The following PDIA6 variants were observed in gnomAD, a reference collection of about 807,000 sequenced individuals.
PDIA6 encodes the protein protein disulfide isomerase family A member 6, also known as protein disulfide-isomerase A6.
Under a neutral mutation model 58.4 loss-of-function variants are expected in PDIA6, and 29 were observed. That is an observed-to-expected ratio of 0.50 (90% CI 0.37 to 0.68). The LOEUF (loss-of-function observed/expected upper bound fraction) is 0.68, where lower values mean the gene tolerates loss of function less well. Among genes scored for constraint, PDIA6 ranks in the 30% least tolerant of loss-of-function variants. PDIA6 has a pLI of 0.00. For synonymous variants in PDIA6, 192 were observed against 202.6 expected (o/e 0.95, Z 0.44); for missense variants, 480 against 551.0 (o/e 0.87, Z 1.29).
At chr2:10,829,568 T>G (rs1453681244) in intron 1 of PDIA6, among the ~76,000 whole-genome samples, 1 of 152,224 alleles carries the variant, frequency 6.6e-6, no homozygotes, top group Non-Finnish European at 1.5e-5. Context: ...GAAACAATTT[T>G]TCTGCCTTTC....
chr2:10,784,304 T>C lies in PDIA6; in HGVS notation c.1277A>G (p.Asp426Gly), dbSNP rs1665587297. ...DGELPVEDDI[D>G]LSDVELDDLG... ...GTCATCAAGCTCCACATCACTGAGG[T>C]CAATGTCATCCTCCACGGGAAGCTG... is the stretch of plus-strand genomic sequence containing the variant. The change falls in exon 13 of 13, where the codon GAC (aspartate) becomes GGC (glycine). Residue 426 changes from aspartate (D) to glycine (G), a missense_variant. Transcript: ENST00000272227. 1 of 1,612,968 alleles carries C rather than the reference T, an allele frequency of 6.2e-7. No homozygotes were observed. The highest frequency in any genetic ancestry group is 8.5e-7 in the Non-Finnish European group (1 of 1,179,722).
chr2:10,826,721 TAAAC>T (rs1667566329), intron 1 of PDIA6, among the ~76,000 whole-genome samples: 1 of 152,170 alleles, frequency 6.6e-6, no homozygotes, highest in Non-Finnish European at 1.5e-5. Flanking sequence ...ATAAAACTGT[TAAAC>T]AGACAGAACC....
chr2:10,806,038 A>C (rs527345544), intron 1 of PDIA6, among the ~76,000 whole-genome samples: 12 of 135,302 alleles, frequency 8.9e-5, no homozygotes, highest in South Asian at 2.4e-4. Flanking sequence ...AAAAAAAAAA[A>C]AAAAAACGAA....
At chr2:10,827,857 T>G (rs1051145333) in intron 1 of PDIA6, among the ~76,000 whole-genome samples, 1 of 151,944 alleles carries the variant, frequency 6.6e-6, no homozygotes, top group Non-Finnish European at 1.5e-5. Context: ...CTTGCAATTC[T>G]TTAGAACTAG....
intron 1 of PDIA6, among the ~76,000 whole-genome samples, chr2:10,807,674 A>C (rs1666819226): frequency 6.6e-6 from 1 of 152,218 alleles, no homozygotes; most frequent in African/African-American, 2.4e-5. Context: ...CTTGCTTCAC[A>C]ATTAGAATTT....
rs772610723 is a variant in PDIA6 at position 10,789,894 on chromosome 2, T to TA, written c.700-6dup. 15 of 1,606,320 alleles carry TA rather than the reference T, an allele frequency of 9.3e-6. No homozygotes were observed. The South Asian group carries it at 1.3e-4, about 14-fold the overall frequency. On this transcript the variant is annotated splice_polypyrimidine_tract_variant and splice_region_variant and intron_variant, in intron 7 of 12. Coordinates refer to ENST00000272227, the MANE Select transcript of PDIA6 (RefSeq NM_005742.4). ...GATTGTAGGAAATCCTCTAATCTAT[T>TA]AAAAAAAGGTCAGAGGATAAAATCC...
upstream of PDIA6, among the ~76,000 whole-genome samples, chr2:10,834,697 C>A (rs1384324786): frequency 2.0e-5 from 2 of 98,514 alleles, 1 homozygote; most frequent in African/African-American, 7.0e-5. Context: ...GAACTAATTT[C>A]TCTCCCTCCC....
At chr2:10,785,933 C>T (rs964297840) in intron 11 of PDIA6, among the ~76,000 whole-genome samples, 4 of 151,412 alleles carry the variant, frequency 2.6e-5, no homozygotes, top group Admixed American at 6.6e-5. Context: ...AGCCTGGTCT[C>T]GAACTCCTGG....
intron 1 of PDIA6, among the ~76,000 whole-genome samples, chr2:10,826,812 G>A (rs143160159): frequency 2.9e-4 from 44 of 152,118 alleles, no homozygotes; most frequent in African/African-American, 7.0e-4. Flanking sequence ...TGCCTCTGAC[G>A]TCACCTCAAA....
chr2:10,800,475 C>T (rs72779425), intron 2 of PDIA6, among the ~76,000 whole-genome samples: 1 of 151,918 alleles, frequency 6.6e-6, no homozygotes, highest in African/African-American at 2.4e-5. Context: ...TTGTAAAGTA[C>T]TACATTAACA....
In PDIA6 at chr2:10,818,517, TATTTATTTATTTATTTA is replaced by T. The variant is rs1235892020; in HGVS notation, c.34+740_34+756del. On this transcript the variant is annotated intron_variant, in intron 2 of 13. Transcript: ENST00000381611. ...TTATTTATTTATTTATTTATTTATT[TATTTATTTATTTATTTA>T]TTTTGAGATGGAGTTTTGCTCTTGT... is the stretch of plus-strand genomic sequence containing the variant. Among the ~76,000 whole-genome samples the T allele has an allele frequency of 5.2e-3, 685 of 131,672 alleles. 7 individuals carry two copies. Among genetic ancestry groups the T allele is most frequent in the African/African-American group, 0.019 (657 of 35,408 alleles). 86.4% of individuals were successfully genotyped at this position (131,672 alleles called of 152,430 possible). A position where few individuals can be genotyped will look rare whatever the true frequency, so the allele number is the denominator to read the frequency against.
At chr2:10,809,645 C>CAAA (rs56308831) in intron 1 of PDIA6, among the ~76,000 whole-genome samples, 12,267 of 64,426 alleles carry the variant, frequency 0.19, 2,900 homozygotes, top group Admixed American at 0.26. Context: ...GACCCGGTCT[C>CAAA]AAAAAAAAAA....
intron 1 of PDIA6, among the ~76,000 whole-genome samples, chr2:10,811,503 CAGAAAGA>C (rs1666996656): frequency 2.3e-5 from 1 of 43,044 alleles, no homozygotes; most frequent in Non-Finnish European, 8.3e-5. Flanking sequence ...TCTCAAAAAA[CAGAAAGA>C]CATGTACTAA....
chr2:10,786,417 G>A (rs1021841552), intron 11 of PDIA6, among the ~76,000 whole-genome samples: 5 of 152,160 alleles, frequency 3.3e-5, no homozygotes, highest in African/African-American at 4.8e-5. Context: ...GGCAGAGGCT[G>A]AAGCAGCTGA....
intron 1 of PDIA6, among the ~76,000 whole-genome samples, chr2:10,804,506 G>A (rs1666651163): frequency 9.2e-6 from 1 of 108,506 alleles, no homozygotes; most frequent in African/African-American, 2.7e-5. Flanking sequence ...ATTTCTGAGG[G>A]CTCTGTTCTG....
upstream of PDIA6, among the ~76,000 whole-genome samples, chr2:10,817,143 A>C (rs1412452135): frequency 6.6e-6 from 1 of 152,070 alleles, no homozygotes; most frequent in Non-Finnish European, 1.5e-5. Context: ...CCACTCAGGA[A>C]GCTTGTATGG....
intron 1 of PDIA6, among the ~76,000 whole-genome samples, chr2:10,822,719 G>C (rs904073764): frequency 6.6e-6 from 1 of 152,226 alleles, no homozygotes; most frequent in African/African-American, 2.4e-5. Context: ...CGGTGCAGTA[G>C]CATTTGGGTA....
intron 2 of PDIA6, among the ~76,000 whole-genome samples, chr2:10,800,757 C>G: frequency 6.6e-6 from 1 of 151,996 alleles, no homozygotes; most frequent in East Asian, 1.9e-4. Context: ...CACGGCACCA[C>G]GTCTGGGTAA....
chr2:10,790,567 T>G (rs1386566953), intron 7 of PDIA6, 152 bp downstream of exon 7: 14 of 610,820 alleles, frequency 2.3e-5, no homozygotes, highest in Non-Finnish European at 4.1e-5. Flanking sequence ...GTTTCAGACT[T>G]GTTAGTTATG....
Sources: gnomAD v4.1 joint callset for allele counts (sites outside exome capture counted in the v4.1 genomes callset) on GRCh38, gnomAD v4.1.1 for gene constraint, MANE v1.5 for transcripts, NCBI Gene and HGNC (gene_info 2026-07-23, HGNC 2026-07-21) for gene names.